EDEM3: variants seen among roughly 807,000 people sequenced by gnomAD.
The protein encoded by EDEM3 is ER degradation enhancing alpha-mannosidase like protein 3.
Under a neutral mutation model 110.2 loss-of-function variants are expected in EDEM3, and 60 were observed. The observed-to-expected ratio is 0.54, with a 90% CI of 0.44 to 0.67. EDEM3 has a LOEUF of 0.67. Among genes scored for constraint, EDEM3 ranks in the 30% least tolerant of loss-of-function variants. The pLI is 0.00. For missense variants in EDEM3, 996 were observed against 1,121.0 expected, an observed-to-expected ratio of 0.89 and a Z score of 1.59; for synonymous variants, 352 against 382.9, an observed-to-expected ratio of 0.92 and a Z score of 0.94.
At position 184,711,718 on chromosome 1, in the gene EDEM3, CT is replaced by C; in HGVS notation, c.1691+4del. The C allele has an allele frequency of 6.3e-7, 1 of 1,591,468 alleles. No individual in the cohort carries two copies. Among genetic ancestry groups the C allele is most frequent in the Non-Finnish European group, 8.5e-7 (1 of 1,172,138 alleles). On this transcript the variant is annotated splice_donor_region_variant and intron_variant, in intron 15 of 19. Coordinates refer to ENST00000318130, the MANE Select transcript of EDEM3 (RefSeq NM_025191.4). Reference sequence around the variant, plus strand: ...TATTAGAAAATATAAAATAATACATCTTACACTCTGATGATGCCTCTAGGAC... The same window carrying C: ...TATTAGAAAATATAAAATAATACATCTACACTCTGATGATGCCTCTAGGAC...
In EDEM3 at chr1:184,712,457, A is replaced by G. The variant is rs1055928537; in HGVS notation, c.1512T>C (p.Asn504=). 7.5e-6 allele frequency: 12 copies of G among 1,595,258 alleles called. No homozygotes were observed. The Admixed American group carries it at 1.7e-4, about 22-fold the overall frequency. Residue 504 remains asparagine (N), a synonymous_variant, in exon 14 of 20, where the codon AAT becomes AAC. Coordinates refer to ENST00000318130, the MANE Select transcript of EDEM3 (RefSeq NM_025191.4). ...CTGTGTTCTTTTTAGAGATGCTTTG[A>G]TTTGTAGTAGAGAGCCAAAGAGGTA... ...HLLPLWLSTT[N]QSISKKNTTS...
chr1:184,720,508 A>ATTTTTTTTTTTTTTTTTTTTTT (rs1558055306), intron 9 of EDEM3: 1 of 120,142 alleles, frequency 8.3e-6, no homozygotes, highest in African/African-American at 3.4e-5. Flanking sequence ...CATCTCCCAT[A>ATTTTTTTTTTTTTTTTTTTTTT]CTTTTTTTTT....
chr1:184,720,220 T>C (rs1335067527), intron 9 of EDEM3, among the ~76,000 whole-genome samples: 2 of 152,202 alleles, frequency 1.3e-5, no homozygotes, highest in African/African-American at 2.4e-5. Context: ...AAACAATCTA[T>C]GTGATAATTT....
At chr1:184,717,681 CAGAATATAT>C (rs1432712839) in intron 11 of EDEM3, 58 bp from the exon 12 acceptor site, 7 of 1,327,212 alleles carry the variant, frequency 5.3e-6, no homozygotes, top group Non-Finnish European at 7.3e-6. Context: ...CAAGTAGTTC[CAGAATATAT>C]AGAATATATA....
intron 2 of EDEM3, among the ~76,000 whole-genome samples, chr1:184,747,010 T>G (rs747562850): frequency 7.1e-6 from 1 of 139,922 alleles, no homozygotes; most frequent in Admixed American, 7.3e-5. Flanking sequence ...TATATCACAA[T>G]GATCAAATGC....
At chr1:184,733,130 C>T (rs1651619569) in intron 5 of EDEM3, 140 bp from the exon 6 acceptor site, 3 of 782,846 alleles carry the variant, frequency 3.8e-6, no homozygotes, top group Non-Finnish European at 5.6e-6. Flanking sequence ...TTACTTAACA[C>T]TGCTCATTTT....
At position 184,691,728 on chromosome 1, in the gene EDEM3, G is replaced by A. The variant is rs937871936; in HGVS notation, c.*2335C>T. 6.6e-6 allele frequency: 1 copy of A among 151,836 alleles called. No homozygotes were observed. Among genetic ancestry groups the A allele is most frequent in the East Asian group, 1.9e-4 (1 of 5,188 alleles). The allele number at this position is 151,836 out of a possible 1,614,324, so 9.4% of individuals were successfully genotyped here. A position where few individuals can be genotyped will look rare whatever the true frequency, so the allele number is the denominator to read the frequency against. ...ATGAATGTAGAGTTGTAATTACAAC[G>A]TTGGAGTTTTTTAGACGAACATTAT... On this transcript the variant is annotated 3_prime_UTR_variant, in exon 20 of 20. Transcript: ENST00000318130.
intron 8 of EDEM3, among the ~76,000 whole-genome samples, chr1:184,723,444 A>G (rs574896084): frequency 6.6e-6 from 1 of 152,090 alleles, no homozygotes; most frequent in East Asian, 1.9e-4. Flanking sequence ...TTACTAAACC[A>G]CACCTTGACG....
intron 14 of EDEM3, 100 bp downstream of exon 14, chr1:184,712,333 C>T (rs1019465777): frequency 5.7e-6 from 6 of 1,045,646 alleles, no homozygotes; most frequent in Non-Finnish European, 8.2e-6. Flanking sequence ...TCTTACCATA[C>T]ATATATTTAT....
intron 2 of EDEM3, among the ~76,000 whole-genome samples, chr1:184,741,856 T>G (rs1328916324): frequency 6.6e-6 from 1 of 152,224 alleles, no homozygotes; most frequent in Non-Finnish European, 1.5e-5. Flanking sequence ...GGAACAGTTT[T>G]TTTTCCTTCA....
intron 1 of EDEM3, 22 bp downstream of exon 1, chr1:184,754,467 C>A (rs1444802805): frequency 6.2e-7 from 1 of 1,612,942 alleles, no homozygotes; most frequent in African/African-American, 1.3e-5. Flanking sequence ...AGAAACCCAC[C>A]CCAGGCTGCC....
chr1:184,707,182 G>C (rs1450564734), intron 17 of EDEM3, among the ~76,000 whole-genome samples: 1 of 152,078 alleles, frequency 6.6e-6, no homozygotes, highest in Non-Finnish European at 1.5e-5. Context: ...GGGACCTGCA[G>C]GCAGATTCAC....
chr1:184,712,726 T>C (rs1028122409), intron 13 of EDEM3, 128 bp from the exon 14 acceptor site: 3 of 589,108 alleles, frequency 5.1e-6, no homozygotes, highest in Admixed American at 4.0e-5. Flanking sequence ...AACTATAGAA[T>C]GTATCAATCT....
At chr1:184,741,717 T>C (rs374227464) in intron 2 of EDEM3, among the ~76,000 whole-genome samples, 11 of 152,234 alleles carry the variant, frequency 7.2e-5, no homozygotes, top group Admixed American at 2.6e-4. Flanking sequence ...TTGCCTGATA[T>C]ACTCAGGTAT....
intron 2 of EDEM3, among the ~76,000 whole-genome samples, chr1:184,749,309 G>A (rs1018745510): frequency 2.6e-5 from 4 of 152,034 alleles, no homozygotes; most frequent in Non-Finnish European, 4.4e-5. Context: ...ATTGTTGATG[G>A]CACCCAAGGA....
chr1:184,734,711 G>T, intron 4 of EDEM3, 68 bp from the exon 5 acceptor site: 1 of 480,894 alleles, frequency 2.1e-6, no homozygotes, highest in Non-Finnish European at 3.6e-6. Flanking sequence ...CCTAGAATGA[G>T]CTATTAAAAG....
Position 184,721,359 on chromosome 1 carries a change from G to A in EDEM3, c.881C>T (p.Ser294Leu). 1 of 1,604,940 alleles carries A rather than the reference G, an allele frequency of 6.2e-7. No individual in the cohort carries two copies. The highest frequency in any genetic ancestry group is 2.3e-5 in the East Asian group (1 of 44,218). Residue 294 changes from serine (S) to leucine (L), a missense_variant, in exon 9 of 20, where the codon TCA becomes TTA. By Grantham distance (145) the Ser-to-Leu change is moderately radical (BLOSUM62 -2). Around this residue, in one of 5 missense-constraint regions of EDEM3, gnomAD observed 310 missense variants for 394.6 expected, o/e 0.79. Transcript: ENST00000318130. ...KDSGVGAGID[S>L]YYEYLLKAYV... The stretch of plus-strand genomic sequence containing the variant: ...GGCTTTCAACAGATATTCATAATAT[G>A]AATCAATCCCTGCTCCAACTCCACT...
chr1:184,744,542 C>A (rs1024280201), intron 2 of EDEM3, among the ~76,000 whole-genome samples: 6 of 151,692 alleles, frequency 4.0e-5, no homozygotes, highest in Non-Finnish European at 7.4e-5. Flanking sequence ...TGCCATATGA[C>A]CTAGTAATCC....
chr1:184,696,368 G>A (rs559555936), intron 19 of EDEM3, among the ~76,000 whole-genome samples: 6 of 151,774 alleles, frequency 4.0e-5, no homozygotes, highest in Admixed American at 2.6e-4. Context: ...TTCATATTTT[G>A]TATGGCTCCT....
Sources: allele counts gnomAD v4.1 joint callset (sites outside exome capture counted in the v4.1 genomes callset), GRCh38; gene constraint gnomAD v4.1.1; regional missense constraint gnomAD v4.1.1; transcripts MANE v1.5; gene names NCBI Gene and HGNC (gene_info 2026-07-23, HGNC 2026-07-21).